LSM14A: variants seen among roughly 807,000 people sequenced by gnomAD.
LSM14A encodes the protein protein LSM14 homolog A.
A neutral mutation model predicts 52.4 loss-of-function variants in LSM14A; 14 were observed. The observed-to-expected ratio is 0.27, with a 90% CI of 0.18 to 0.42. LSM14A has a LOEUF of 0.42. Ranked by LOEUF, LSM14A falls within the 10% of genes least tolerant of loss-of-function variation. The pLI is 1.00. For missense variants in LSM14A, 417 were observed against 581.8 expected (o/e 0.72, Z 2.91); for synonymous variants, 185 against 200.3 (o/e 0.92, Z 0.64).
At chr19:34,222,149 C>G (rs1342104732) in intron 9 of LSM14A, among the ~76,000 whole-genome samples, 1 of 152,160 alleles carries the variant, frequency 6.6e-6, no homozygotes, top group Admixed American at 6.5e-5. Flanking sequence ...CTATTATTAT[C>G]CCCATTTTAC....
At chr19:34,191,451 T>C (rs1158463292) in intron 1 of LSM14A, among the ~76,000 whole-genome samples, 1 of 152,168 alleles carries the variant, frequency 6.6e-6, no homozygotes, top group Non-Finnish European at 1.5e-5. Context: ...TCTTCTTCTT[T>C]ACTGCCTTTT....
intron 3 of LSM14A, among the ~76,000 whole-genome samples, chr19:34,207,220 G>A (rs1365198351): frequency 6.6e-6 from 1 of 152,164 alleles, no homozygotes; most frequent in Non-Finnish European, 1.5e-5. Flanking sequence ...TCTAACCATT[G>A]AATGCGTAAT....
At chr19:34,217,586 A>G (rs913993707) in intron 6 of LSM14A, among the ~76,000 whole-genome samples, 1 of 116,768 alleles carries the variant, frequency 8.6e-6, no homozygotes, top group Admixed American at 9.5e-5. Flanking sequence ...CTACATTTAT[A>G]TATATATATA....
intron 9 of LSM14A, chr19:34,226,610 C>CA: frequency 1.5e-6 from 1 of 670,358 alleles, no homozygotes; most frequent in Non-Finnish European, 2.4e-6. Flanking sequence ...GTGTTGTATA[C>CA]ACAGATGAAG....
intron 1 of LSM14A, among the ~76,000 whole-genome samples, chr19:34,186,824 A>G (rs1452484126): frequency 6.6e-6 from 1 of 152,190 alleles, no homozygotes; most frequent in Non-Finnish European, 1.5e-5. Context: ...TTAACTTTGT[A>G]AGCGTCTTTT....
chr19:34,196,080 A>G (rs1437070653), intron 2 of LSM14A, among the ~76,000 whole-genome samples: 2 of 152,210 alleles, frequency 1.3e-5, no homozygotes, highest in African/African-American at 4.8e-5. Context: ...TACATGTATT[A>G]ATATATGTTA....
rs907641358 is a variant in LSM14A, at chr19:34,196,527, G to C, written c.286-107G>C. The stretch of plus-strand genomic sequence containing the variant: ...CATATTGTAATTCATTTTATATCTA[G>C]TAGTTATAATTTAATAGTTTTCTTA... On this transcript the variant is annotated intron_variant, in intron 2 of 9. Transcript: ENST00000544216. The C allele has an allele frequency of 7.8e-6, 8 of 1,030,826 alleles. No individual in the cohort carries two copies. The African/African-American group carries it at 1.3e-4, about 17-fold the overall frequency. 63.9% of individuals were successfully genotyped at this position (1,030,826 alleles called of 1,614,324 possible). A position where few individuals can be genotyped will look rare whatever the true frequency, so the allele number is the denominator to read the frequency against.
At chr19:34,195,183 T>G (rs2070745210) in intron 2 of LSM14A, 1 of 146,164 alleles carries the variant, frequency 6.8e-6, no homozygotes, top group Admixed American at 7.2e-5. Context: ...TGGTTTTTGT[T>G]TTGTTTTTCT....
chr19:34,201,042 CAG>C (rs1599689928), intron 3 of LSM14A, among the ~76,000 whole-genome samples: 1 of 152,078 alleles, frequency 6.6e-6, no homozygotes, highest in Admixed American at 6.6e-5. Context: ...ACTTTTTAAT[CAG>C]AGTATTTTGT....
At position 34,211,960 on chromosome 19, in the gene LSM14A, G is replaced by A. The variant is rs533770392; in HGVS notation, c.538+2909G>A. On this transcript the variant is annotated intron_variant, in intron 4 of 9. Coordinates refer to ENST00000544216, the MANE Select transcript of LSM14A (RefSeq NM_015578.4). ...GACATATTTGAAAAATAAAAGTAAT[G>A]GGTTTACTGACATGATAATAAAATG... 3.0e-4 allele frequency among the ~76,000 whole-genome samples: 45 copies of A among 152,196 alleles called. No individual in the cohort carries two copies. The South Asian group carries it at 9.1e-3, about 31-fold the overall frequency.
Position 34,172,758 on chromosome 19 carries a change from C to G in LSM14A, c.116C>G (p.Ala39Gly). The G allele has an allele frequency of 6.4e-7, 1 of 1,570,292 alleles. No individual in the cohort carries two copies. The highest frequency in any genetic ancestry group is 8.6e-7 in the Non-Finnish European group (1 of 1,160,306). ...ACCGAAAACTCCACCGTAGCCCTTG[C>G]CAAAGGTACGCGGGACCGGGCCTCA... is the stretch of plus-strand genomic sequence containing the variant. ...IDTENSTVAL[A>G]KVRSFGTEDR... The change falls in exon 1 of 10, where the codon GCC (alanine) becomes GGC (glycine). Residue 39 changes from alanine to glycine, a missense_variant. Around this residue, in one of 2 missense-constraint regions of LSM14A, gnomAD observed 60 missense variants for 124.8 expected, o/e 0.48. Coordinates refer to ENST00000544216, the MANE Select transcript of LSM14A (RefSeq NM_015578.4).
intron 6 of LSM14A, among the ~76,000 whole-genome samples, chr19:34,217,483 A>T (rs1234798632): frequency 6.6e-6 from 1 of 151,322 alleles, no homozygotes; most frequent in Non-Finnish European, 1.5e-5. Flanking sequence ...GGGAATGTAT[A>T]ATCTACCTTA....
At chr19:34,201,499 C>T (rs1379904926) in intron 3 of LSM14A, among the ~76,000 whole-genome samples, 1 of 152,072 alleles carries the variant, frequency 6.6e-6, no homozygotes, top group East Asian at 1.9e-4. Context: ...TGTGCCACCA[C>T]GCCCAGCTAA....
At chr19:34,215,019 A>AG (rs1329375491) in intron 4 of LSM14A, 105 bp from the exon 5 acceptor site, 4 of 796,886 alleles carry the variant, frequency 5.0e-6, no homozygotes, top group Non-Finnish European at 7.8e-6. Context: ...ATTTGTGCTA[A>AG]GGGTTTGAAT....
intron 1 of LSM14A, among the ~76,000 whole-genome samples, chr19:34,177,718 T>C (rs1202482999): frequency 8.5e-6 from 1 of 118,040 alleles, no homozygotes; most frequent in Non-Finnish European, 1.9e-5. Context: ...GGAGACTCCA[T>C]TTCTACAAAA....
intron 3 of LSM14A, among the ~76,000 whole-genome samples, chr19:34,205,318 C>A (rs901006850): frequency 6.6e-5 from 10 of 150,924 alleles, no homozygotes; most frequent in African/African-American, 2.4e-4. Flanking sequence ...GAAACCCCAT[C>A]TCTACAAAAA....
intron 3 of LSM14A, among the ~76,000 whole-genome samples, chr19:34,198,917 GC>G (rs1329095108): frequency 1.3e-5 from 2 of 151,882 alleles, no homozygotes; most frequent in African/African-American, 2.4e-5. Context: ...AACCCAGGAG[GC>G]GGAGCTTGCG....
At chr19:34,208,738 C>A in intron 3 of LSM14A, 191 bp from the exon 4 acceptor site, 1 of 488,362 alleles carries the variant, frequency 2.0e-6, no homozygotes, top group Non-Finnish European at 3.7e-6. Context: ...TCCCCCTTCC[C>A]CTGCCCTCCA....
intron 9 of LSM14A, among the ~76,000 whole-genome samples, chr19:34,223,639 C>T (rs2073185267): frequency 6.6e-6 from 1 of 152,224 alleles, no homozygotes; most frequent in African/African-American, 2.4e-5. Context: ...CCATGGTAAC[C>T]CACCAGTTGG....
Sources: allele counts gnomAD v4.1 joint callset (sites outside exome capture counted in the v4.1 genomes callset), GRCh38; gene constraint gnomAD v4.1.1; regional missense constraint gnomAD v4.1.1; transcripts MANE v1.5; gene names NCBI Gene and HGNC (gene_info 2026-07-23, HGNC 2026-07-21).